KIAA1217: variants seen among roughly 807,000 people sequenced by gnomAD.
KIAA1217 encodes KIAA1217.
A neutral mutation model predicts 163.9 loss-of-function variants in KIAA1217; 88 were observed. The ratio of observed to expected loss-of-function variants is 0.54; its 90% CI spans 0.45 to 0.64. The LOEUF (loss-of-function observed/expected upper bound fraction) is 0.64, where lower values mean the gene tolerates loss of function less well. KIAA1217 is among the 30% of genes least tolerant of loss of function. The pLI is 0.00. For missense variants in KIAA1217, 2,372 were observed against 2,475.0 expected, an observed-to-expected ratio of 0.96 and a Z score of 0.88; for synonymous variants, 903 against 923.1, an observed-to-expected ratio of 0.98 and a Z score of 0.39.
At chr10:23,841,825 G>A (rs1006805539) in intron 1 of KIAA1217, among the ~76,000 whole-genome samples, 2 of 141,934 alleles carry the variant, frequency 1.4e-5, no homozygotes, top group East Asian at 4.2e-4. Context: ...ACACCATTGG[G>A]ACTTTATTTT....
chr10:23,855,243 G>A (rs572639885), intron 1 of KIAA1217, among the ~76,000 whole-genome samples: 3 of 152,298 alleles, frequency 2.0e-5, no homozygotes, highest in East Asian at 3.9e-4. Context: ...TTGCTTGTCT[G>A]TAAAGTATTT....
intron 6 of KIAA1217, among the ~76,000 whole-genome samples, chr10:24,474,968 C>G (rs1464935698): frequency 4.6e-5 from 7 of 152,214 alleles, no homozygotes; most frequent in African/African-American, 1.4e-4. Flanking sequence ...CCTGTAATCC[C>G]AGCACTTTGG....
intron 1 of KIAA1217, among the ~76,000 whole-genome samples, chr10:23,941,690 C>G (rs1355091829): frequency 6.6e-6 from 1 of 152,088 alleles, no homozygotes; most frequent in African/African-American, 2.4e-5. Context: ...TGGAGAATCC[C>G]AGGAGCCCAG....
Position 24,507,373 on chromosome 10 carries a change from T to A in KIAA1217, c.2001+5828T>A, listed in dbSNP as rs543403486. On this transcript the variant is annotated intron_variant, in intron 9 of 20. Coordinates refer to ENST00000376454, the MANE Select transcript of KIAA1217 (RefSeq NM_019590.5). ...AACCAACCAGACATGGCAGGGATAATGAAATCAGCAGCAAGGACTTCAAAA... is the reference window on the plus strand; with the variant it reads ...AACCAACCAGACATGGCAGGGATAAAGAAATCAGCAGCAAGGACTTCAAAA... Among the ~76,000 whole-genome samples the A allele has an allele frequency of 4.6e-5, 7 of 152,130 alleles. No individual in the cohort carries two copies. The South Asian group carries it at 1.5e-3, about 32-fold the overall frequency.
intron 1 of KIAA1217, among the ~76,000 whole-genome samples, chr10:24,211,737 A>G (rs913028773): frequency 6.6e-6 from 1 of 151,900 alleles, no homozygotes; most frequent in Non-Finnish European, 1.5e-5. Flanking sequence ...GCCTTTAGGA[A>G]GCTTCTGCAG....
At position 24,546,292 on chromosome 10, in the gene KIAA1217, G is replaced by C. The variant is rs200494078; in HGVS notation, c.5800G>C (p.Ala1934Pro). The stretch of plus-strand genomic sequence containing the variant: ...GGCACAGAATGGAAGTTCAAGCAAA[G>C]CCACCCCATCCACAGCAAAAGAAAC... ...YKAQNGSSSK[A>P]TPSTAKETS The change falls in exon 21 of 21, where the codon GCC becomes CCC. Residue 1934 changes from alanine to proline, a missense_variant. By Grantham distance (27) the Ala-to-Pro change is conservative. This residue lies in a region of KIAA1217 where 690 missense variants were observed against 677.5 expected (regional missense o/e 1.02). Transcript: ENST00000376454. 6.2e-7 allele frequency: 1 copy of C among 1,610,666 alleles called. No individual in the cohort carries two copies. The highest frequency in any genetic ancestry group is 1.3e-5 in the African/African-American group (1 of 74,774).
intron 2 of KIAA1217, among the ~76,000 whole-genome samples, chr10:24,317,901 G>A (rs1213179356): frequency 2.6e-5 from 4 of 152,210 alleles, no homozygotes; most frequent in Non-Finnish European, 4.4e-5. Flanking sequence ...ATTTTTAGGT[G>A]ATGGCTGGTT....
chr10:23,821,684 A>T (rs1204641232), intron 1 of KIAA1217, among the ~76,000 whole-genome samples: 1 of 152,198 alleles, frequency 6.6e-6, no homozygotes, highest in Non-Finnish European at 1.5e-5. Context: ...ATACAAAAAC[A>T]TTGCATTGCT....
intron 2 of KIAA1217, among the ~76,000 whole-genome samples, chr10:24,360,588 G>A (rs762998790): frequency 3.9e-5 from 6 of 152,194 alleles, no homozygotes; most frequent in Non-Finnish European, 8.8e-5. Flanking sequence ...CATTTGGAGA[G>A]GATGAAGATG....
intron 2 of KIAA1217, among the ~76,000 whole-genome samples, chr10:24,202,052 G>A (rs1041530178): frequency 2.0e-5 from 3 of 152,200 alleles, no homozygotes; most frequent in Non-Finnish European, 2.9e-5. Context: ...TCAGCTCCAG[G>A]TGTGGCTGCA....
At chr10:23,942,745 G>A (rs1229872864) in intron 1 of KIAA1217, among the ~76,000 whole-genome samples, 1 of 152,060 alleles carries the variant, frequency 6.6e-6, no homozygotes, top group Non-Finnish European at 1.5e-5. Context: ...ACAAGGATAG[G>A]CAATGATGCA....
At chr10:24,411,834 G>A (rs1313450115) in intron 3 of KIAA1217, among the ~76,000 whole-genome samples, 1 of 151,728 alleles carries the variant, frequency 6.6e-6, no homozygotes, top group East Asian at 1.9e-4. Flanking sequence ...GGGTCTTGCT[G>A]TAAACATTGA....
chr10:24,088,280 CAT>C (rs1564686200), intron 2 of KIAA1217, among the ~76,000 whole-genome samples: 2 of 98,764 alleles, frequency 2.0e-5, no homozygotes, highest in South Asian at 3.1e-4. Flanking sequence ...TATATACACA[CAT>C]ATATGTGTAT....
rs576950796 is a variant in KIAA1217, at chr10:23,854,674, C to A, written c.-320-152551C>A. 2.6e-5 allele frequency among the ~76,000 whole-genome samples: 4 copies of A among 152,268 alleles called. No individual in the cohort carries two copies. The South Asian group carries it at 8.3e-4, about 32-fold the overall frequency. On this transcript the variant is annotated intron_variant, in intron 1 of 18. Coordinates refer to the KIAA1217 transcript ENST00000376462. ...AAGTCTCTTTGTAGTTCACTCAGGA[C>A]TTGCTTTATGAATCTGAGTGCTCTT...
chr10:23,867,621 A>T (rs531016179), intron 1 of KIAA1217, among the ~76,000 whole-genome samples: 1 of 152,140 alleles, frequency 6.6e-6, no homozygotes, highest in African/African-American at 2.4e-5. Context: ...GCATTTTTTC[A>T]TGTGTTTTTT....
intron 2 of KIAA1217, among the ~76,000 whole-genome samples, chr10:24,147,107 C>T (rs908479776): frequency 6.6e-6 from 1 of 151,142 alleles, no homozygotes; most frequent in Non-Finnish European, 1.5e-5. Flanking sequence ...GTTTTAATTA[C>T]CCTTTCTCTG....
chr10:24,329,885 C>T lies in KIAA1217; in HGVS notation c.355-50984C>T, dbSNP rs77567860. Among the ~76,000 whole-genome samples, 225 of 152,076 alleles carry T rather than the reference C, an allele frequency of 1.5e-3. 1 individual carries two copies. In the East Asian group the frequency reaches 0.034, roughly 23 times the overall value. ...AAGCCAGCACTGTCTTATGGGGTTG[C>T]CTAAAATATAGGAAATTATGGAAAA... On this transcript the variant is annotated intron_variant, in intron 2 of 20. Transcript: ENST00000376454.
chr10:24,231,583 A>G (rs2071417455), intron 2 of KIAA1217, among the ~76,000 whole-genome samples: 1 of 152,190 alleles, frequency 6.6e-6, no homozygotes, highest in Non-Finnish European at 1.5e-5. Context: ...GAAATTCCAG[A>G]TAATGTTAGA....
At chr10:23,853,093 G>A (rs1298333211) in intron 1 of KIAA1217, among the ~76,000 whole-genome samples, 9 of 152,184 alleles carry the variant, frequency 5.9e-5, no homozygotes, top group African/African-American at 1.9e-4. Flanking sequence ...TCTTGTGCCA[G>A]TTTTCAAAGG....
Sources: allele counts gnomAD v4.1 joint callset (sites outside exome capture counted in the v4.1 genomes callset), GRCh38; gene constraint gnomAD v4.1.1; regional missense constraint gnomAD v4.1.1; transcripts MANE v1.5; gene names NCBI Gene and HGNC (gene_info 2026-07-23, HGNC 2026-07-21).